Variants in ANKS1B observed in about 807,000 individuals in gnomAD.
The protein encoded by ANKS1B is ankyrin repeat and sterile alpha motif domain containing 1B, also known as ankyrin repeat and sterile alpha motif domain-containing protein 1B.
ANKS1B carries 36 observed loss-of-function variants against 148.3 expected under a neutral mutation model. That is an observed-to-expected ratio of 0.24 (90% CI 0.19 to 0.32). The LOEUF (loss-of-function observed/expected upper bound fraction) is 0.32, where lower values mean the gene tolerates loss of function less well. Ranked by LOEUF, ANKS1B falls within the 10% of genes least tolerant of loss-of-function variation. ANKS1B has a pLI of 1.00. For missense variants in ANKS1B, 1,157 were observed against 1,542.6 expected (o/e 0.75, Z 4.19); for synonymous variants, 542 against 560.8 (o/e 0.97, Z 0.47).
intron 17 of ANKS1B, chr12:98,894,788 C>T: frequency 1.0e-6 from 1 of 984,974 alleles, no homozygotes; most frequent in Non-Finnish European, 1.2e-6. Flanking sequence ...GAGGCGAGGG[C>T]GAGCGCGCCG....
At chr12:99,717,899 C>CTTTTTTTTTT (rs943618905) in intron 8 of ANKS1B, among the ~76,000 whole-genome samples, 2 of 111,088 alleles carry the variant, frequency 1.8e-5, no homozygotes, top group African/African-American at 7.2e-5. Flanking sequence ...AGACAATACT[C>CTTTTTTTTTT]TTTTTTTTTT....
intron 17 of ANKS1B, among the ~76,000 whole-genome samples, chr12:98,983,016 G>T (rs2099914881): frequency 6.6e-6 from 1 of 152,162 alleles, no homozygotes; most frequent in Non-Finnish European, 1.5e-5. Flanking sequence ...CAAATGTTCT[G>T]GTTGTTCCTC....
At chr12:99,160,581 C>T (rs1408440277) in intron 14 of ANKS1B, among the ~76,000 whole-genome samples, 3 of 151,564 alleles carry the variant, frequency 2.0e-5, no homozygotes, top group Non-Finnish European at 2.9e-5. Context: ...ATCTCCTGAC[C>T]TCATGATCTG....
intron 10 of ANKS1B, 25 bp from the exon 11 acceptor site, chr12:99,443,834 T>A: frequency 6.3e-7 from 1 of 1,597,132 alleles, no homozygotes; most frequent in Non-Finnish European, 8.5e-7. Flanking sequence ...AGAACTGCCA[T>A]GAACCTAATC....
intron 9 of ANKS1B, among the ~76,000 whole-genome samples, chr12:99,529,353 G>A (rs1046925221): frequency 6.6e-6 from 1 of 152,130 alleles, no homozygotes; most frequent in Non-Finnish European, 1.5e-5. Flanking sequence ...TACTGTTTCT[G>A]TAAAGAAGCC....
chr12:99,805,052 A>G (rs969633106), intron 4 of ANKS1B, among the ~76,000 whole-genome samples: 1 of 152,090 alleles, frequency 6.6e-6, no homozygotes, highest in African/African-American at 2.4e-5. Context: ...CCATCAGTTG[A>G]GCTTAGACTA....
Position 98,801,081 on chromosome 12 carries a change from A to G in ANKS1B, c.3186T>C (p.Asn1062=). The change falls in exon 21 of 27, where the codon AAT becomes AAC. Residue 1062 remains asparagine (N), a synonymous_variant. Transcript: ENST00000683438. The surrounding 1 kb of genome is among the most constrained non-coding windows in gnomAD (Gnocchi z 5.2). The stretch of plus-strand genomic sequence containing the variant: ...GTACCGGGGTAGAGGCTGTGGCTTC[A>G]TTCGGAGGTCGCAAGGTAATGGAAG... ...GEPSITLRPP[N]EATASTPVQY... 1 of 1,612,876 alleles carries G rather than the reference A, an allele frequency of 6.2e-7. No individual in the cohort carries two copies.
At chr12:99,314,482 A>C (rs2083680752) in intron 12 of ANKS1B, among the ~76,000 whole-genome samples, 1 of 152,184 alleles carries the variant, frequency 6.6e-6, no homozygotes, top group Non-Finnish European at 1.5e-5. Context: ...CAAAAAGAAC[A>C]AAGCTGGAGT....
chr12:99,305,067 T>TG (rs1421485854), intron 12 of ANKS1B, among the ~76,000 whole-genome samples: 2 of 151,390 alleles, frequency 1.3e-5, no homozygotes, highest in Non-Finnish European at 2.9e-5. Context: ...CCAAGGGCGG[T>TG]GGGGGGCAGG....
At chr12:98,944,067 A>G (rs771574963) in intron 17 of ANKS1B, among the ~76,000 whole-genome samples, 12 of 152,112 alleles carry the variant, frequency 7.9e-5, no homozygotes, top group Non-Finnish European at 1.5e-4. Flanking sequence ...TGGGAGGCCG[A>G]GGCGGTTGGA....
At chr12:98,985,257 T>C (rs2099922579) in intron 17 of ANKS1B, among the ~76,000 whole-genome samples, 1 of 152,124 alleles carries the variant, frequency 6.6e-6, no homozygotes, top group Admixed American at 6.5e-5. Flanking sequence ...GAACTACAGT[T>C]ATGTACCACT....
intron 16 of ANKS1B, among the ~76,000 whole-genome samples, chr12:99,072,418 A>AGAT (rs1302046915): frequency 6.6e-6 from 1 of 152,128 alleles, no homozygotes; most frequent in Non-Finnish European, 1.5e-5. Context: ...ATTGTTTTAT[A>AGAT]GATAAGGACA....
chr12:99,699,942 A>C (rs565683421), intron 8 of ANKS1B, among the ~76,000 whole-genome samples: 33 of 152,308 alleles, frequency 2.2e-4, no homozygotes, highest in Non-Finnish European at 4.1e-4. Context: ...CAGCTGCCTT[A>C]AAATGAAAGT....
At chr12:99,537,666 C>A (rs566732389) in intron 9 of ANKS1B, among the ~76,000 whole-genome samples, 1 of 152,276 alleles carries the variant, frequency 6.6e-6, no homozygotes, top group Non-Finnish European at 1.5e-5. Flanking sequence ...AATCCCTTGT[C>A]AAATGAGTAG....
At chr12:99,025,243 C>A (rs767141027) in intron 17 of ANKS1B, among the ~76,000 whole-genome samples, 1 of 152,100 alleles carries the variant, frequency 6.6e-6, no homozygotes, top group Non-Finnish European at 1.5e-5. Flanking sequence ...TGATTAGAAG[C>A]TCTATTTGAG....
At chr12:99,071,933 C>T (rs536062396) in intron 16 of ANKS1B, among the ~76,000 whole-genome samples, 8 of 152,262 alleles carry the variant, frequency 5.3e-5, no homozygotes, top group Non-Finnish European at 1.2e-4. Flanking sequence ...GTATGAGCCA[C>T]CGTGCTCTGC....
At chr12:99,391,972 T>C (rs2094087996) in intron 12 of ANKS1B, among the ~76,000 whole-genome samples, 1 of 152,262 alleles carries the variant, frequency 6.6e-6, no homozygotes, top group Admixed American at 6.5e-5. Context: ...AATCCTGGTC[T>C]ATTGAAAGTA....
intron 12 of ANKS1B, among the ~76,000 whole-genome samples, chr12:99,368,179 G>A (rs2092887852): frequency 6.6e-6 from 1 of 151,972 alleles, no homozygotes; most frequent in South Asian, 2.1e-4. Context: ...GTTGTATTGG[G>A]GACACATGAA....
chr12:99,060,735 A>C (rs1355073750), intron 16 of ANKS1B, among the ~76,000 whole-genome samples: 2 of 147,014 alleles, frequency 1.4e-5, no homozygotes, highest in Non-Finnish European at 3.0e-5. Flanking sequence ...TCATTCCATC[A>C]TTCTTTCTCT....
Sources: allele counts gnomAD v4.1 joint callset (sites outside exome capture counted in the v4.1 genomes callset), GRCh38; gene constraint gnomAD v4.1.1; non-coding constraint Gnocchi (gnomAD v3.1); transcripts MANE v1.5; gene names NCBI Gene and HGNC (gene_info 2026-07-23, HGNC 2026-07-21).